Variants in ACTR3C observed in about 807,000 individuals in gnomAD.
ACTR3C encodes actin related protein 3C.
In ACTR3C, 18 loss-of-function variants were observed where a neutral mutation model predicts 26.3. The ratio of observed to expected loss-of-function variants is 0.68; its 90% CI spans 0.47 to 1.01. The LOEUF is 1.01. Ranked by LOEUF, ACTR3C falls within the 50% of genes least tolerant of loss-of-function variation. The pLI is 0.00. For missense variants in ACTR3C, 184 were observed against 250.7 expected, an observed-to-expected ratio of 0.73 and a Z score of 1.80; for synonymous variants, 55 against 94.5, an observed-to-expected ratio of 0.58 and a Z score of 2.42.
At chr7:150,240,259 G>A (rs931942189), downstream of ACTR3C, among the ~76,000 whole-genome samples, 10 of 152,166 alleles carry the variant, frequency 6.6e-5, no homozygotes, top group African/African-American at 2.4e-4. Flanking sequence ...CACTCACAAT[G>A]TTGTGTAAAC....
the ACTR3C span, among the ~76,000 whole-genome samples, chr7:149,962,838 C>T: frequency 0.031 from 4,739 of 152,252 alleles, 232 homozygotes; most frequent in African/African-American, 0.11. Context: ...CCAGAAACTA[C>T]GTATCTCACT....
the ACTR3C span, among the ~76,000 whole-genome samples, chr7:149,968,316 C>T: frequency 0.026 from 3,955 of 152,258 alleles, 158 homozygotes; most frequent in African/African-American, 0.089. Flanking sequence ...GAGGCTGAGG[C>T]GGGTGGATCA....
chr7:149,907,485 T>TCC, the ACTR3C span, among the ~76,000 whole-genome samples: 1 of 64,980 alleles, frequency 1.5e-5, no homozygotes, highest in African/African-American at 4.4e-5. Context: ...CTCTTCTCTC[T>TCC]CTCTCTCTCT....
the ACTR3C span, among the ~76,000 whole-genome samples, chr7:149,938,823 G>A: frequency 1.3e-5 from 2 of 151,170 alleles, no homozygotes; most frequent in African/African-American, 2.4e-5. Flanking sequence ...ATGGGAGTAT[G>A]GGGGAAGGTG....
the ACTR3C span, among the ~76,000 whole-genome samples, chr7:150,042,744 G>C: frequency 6.6e-6 from 1 of 151,576 alleles, no homozygotes; most frequent in Non-Finnish European, 1.5e-5. Flanking sequence ...CCCTCTAATA[G>C]GGGGGCCATC....
chr7:150,048,086 C>G, the ACTR3C span, among the ~76,000 whole-genome samples: 1 of 152,258 alleles, frequency 6.6e-6, no homozygotes, highest in East Asian at 1.9e-4. Flanking sequence ...GCTCGCGAAG[C>G]CGGGGCTCTG....
the ACTR3C span, chr7:149,891,206 G>T: frequency 1.5e-5 from 16 of 1,042,652 alleles, no homozygotes; most frequent in Non-Finnish European, 2.1e-5. Flanking sequence ...AAAAATAATG[G>T]TCCTCAGGTT....
chr7:150,234,231 G>T, the ACTR3C span, among the ~76,000 whole-genome samples: 217 of 152,234 alleles, frequency 1.4e-3, no homozygotes, highest in Non-Finnish European at 1.2e-3. Context: ...CTTTTAGGGG[G>T]TCCATGTCCC....
chr7:149,896,396 T>C, the ACTR3C span, among the ~76,000 whole-genome samples: 1 of 152,126 alleles, frequency 6.6e-6, no homozygotes, highest in Non-Finnish European at 1.5e-5. Flanking sequence ...CATATACCAC[T>C]ACCTATCAGG....
the ACTR3C span, among the ~76,000 whole-genome samples, chr7:150,005,555 T>G: frequency 9.0e-3 from 1,367 of 152,082 alleles, 22 homozygotes; most frequent in African/African-American, 0.031. Context: ...ATCTGGTACA[T>G]CGGGAGGGTC....
chr7:150,270,869 G>A (rs2129610935), intron 6 of ACTR3C, among the ~76,000 whole-genome samples: 1 of 152,158 alleles, frequency 6.6e-6, no homozygotes, highest in African/African-American at 2.4e-5. Context: ...GTCAAACAAT[G>A]CTACTTCCCT....
the ACTR3C span, among the ~76,000 whole-genome samples, chr7:150,196,024 T>G: frequency 4.6e-5 from 7 of 152,260 alleles, no homozygotes; most frequent in Non-Finnish European, 1.5e-5. Context: ...TCTCCTATTT[T>G]GTTCTTCAGC....
the ACTR3C span, among the ~76,000 whole-genome samples, chr7:150,186,214 A>G: frequency 6.6e-6 from 1 of 152,164 alleles, no homozygotes; most frequent in Non-Finnish European, 1.5e-5. Context: ...GAATACACCT[A>G]AGTGACTAAA....
At chr7:149,959,258 C>T in the ACTR3C span, among the ~76,000 whole-genome samples, 1 of 150,632 alleles carries the variant, frequency 6.6e-6, no homozygotes, top group African/African-American at 2.4e-5. Context: ...GCTGCTTCCT[C>T]CCCTCAGCAT....
At chr7:150,115,009 C>A in the ACTR3C span, among the ~76,000 whole-genome samples, 1 of 152,124 alleles carries the variant, frequency 6.6e-6, no homozygotes, top group Non-Finnish European at 1.5e-5. Context: ...CAGAGAGATA[C>A]AGAAAGTTCA....
At chr7:149,908,204 A>G in the ACTR3C span, among the ~76,000 whole-genome samples, 1 of 152,120 alleles carries the variant, frequency 6.6e-6, no homozygotes, top group East Asian at 1.9e-4. Flanking sequence ...CGGGAAACCA[A>G]CCCTGACAGC....
the ACTR3C span, among the ~76,000 whole-genome samples, chr7:150,175,814 AC>A: frequency 0.11 from 14,820 of 132,732 alleles, 1,726 homozygotes; most frequent in African/African-American, 0.3. Flanking sequence ...CTCCATCTGA[AC>A]AAAAAAAAAA....
At chr7:150,168,762 A>G in the ACTR3C span, among the ~76,000 whole-genome samples, 2 of 150,686 alleles carry the variant, frequency 1.3e-5, no homozygotes, top group African/African-American at 2.5e-5. Flanking sequence ...TCCAGCCCCA[A>G]GTAGGTTGAA....
At chr7:150,035,475 A>C in the ACTR3C span, among the ~76,000 whole-genome samples, 1 of 104,306 alleles carries the variant, frequency 9.6e-6, no homozygotes, top group African/African-American at 3.8e-5. Context: ...CGATGGGGGT[A>C]GTAACAGCCA....
Sources: allele counts gnomAD v4.1 joint callset (sites outside exome capture counted in the v4.1 genomes callset), GRCh38; gene constraint gnomAD v4.1.1; transcripts MANE v1.5; gene names NCBI Gene and HGNC (gene_info 2026-07-23, HGNC 2026-07-21).